GAS6: variants seen among roughly 807,000 people sequenced by gnomAD.
The protein encoded by GAS6 is growth arrest-specific protein 6.
GAS6 carries 41 observed loss-of-function variants against 75.8 expected under a neutral mutation model. The ratio of observed to expected loss-of-function variants is 0.54; its 90% CI spans 0.42 to 0.70. The LOEUF is 0.70. GAS6 is among the 30% of genes least tolerant of loss of function. The pLI, the probability that GAS6 is intolerant of heterozygous loss-of-function variation, is 0.00. For synonymous variants in GAS6, 432 were observed against 412.6 expected (o/e 1.05, Z -0.57); for missense variants, 854 against 940.2 (o/e 0.91, Z 1.20).
Position 113,833,873 on chromosome 13 carries a change from T to C in GAS6, c.834+678A>G, listed in dbSNP as rs939839512. The C allele has an allele frequency of 2.1e-5, 21 of 1,004,586 alleles. No homozygotes were observed. The African/African-American group carries it at 4.0e-4, about 19-fold the overall frequency. The allele number at this position is 1,004,586 out of a possible 1,614,324, so 62.2% of individuals were successfully genotyped here. On this transcript the variant is annotated intron_variant, in intron 8 of 14. Coordinates refer to ENST00000327773, the MANE Select transcript of GAS6 (RefSeq NM_000820.4). Reference sequence around the variant, plus strand: ...GTTGTGACAGGTCGGTGTGAGACACTGGTGTGACAAGTCAGTGTGACAGGC... The same window carrying C: ...GTTGTGACAGGTCGGTGTGAGACACCGGTGTGACAAGTCAGTGTGACAGGC...
At chr13:113,858,801 GTA>G (rs1471262407) in intron 2 of GAS6, among the ~76,000 whole-genome samples, 6 of 151,636 alleles carry the variant, frequency 4.0e-5, no homozygotes, top group Admixed American at 2.6e-4. Context: ...GTGACTGTAT[GTA>G]TGTCTATGTG....
chr13:113,831,105 G>A (rs1025118174), intron 10 of GAS6, among the ~76,000 whole-genome samples: 6 of 152,372 alleles, frequency 3.9e-5, no homozygotes, highest in Middle Eastern at 3.4e-3. Flanking sequence ...CGCTGTGGGC[G>A]GGAGCCTGGT....
At chr13:113,835,914 G>C in intron 6 of GAS6, 6 of 1,291,586 alleles carry the variant, frequency 4.6e-6, no homozygotes, top group Non-Finnish European at 5.9e-6. Flanking sequence ...GGTGGGGGGC[G>C]GCGGTGCACG....
chr13:113,827,198 G>A, intron 11 of GAS6, 34 bp from the exon 12 acceptor site: 1 of 1,603,816 alleles, frequency 6.2e-7, no homozygotes, highest in Non-Finnish European at 8.5e-7. Context: ...TGGCTTCCTG[G>A]GAGCGAGAAG....
intron 12 of GAS6, among the ~76,000 whole-genome samples, chr13:113,825,563 G>A (rs539546026): frequency 2.6e-5 from 4 of 152,270 alleles, no homozygotes; most frequent in African/African-American, 7.2e-5. Flanking sequence ...GCCGGCAGAC[G>A]CGGCCGGCAG....
chr13:113,832,440 G>A lies in GAS6; in HGVS notation c.1002C>T (p.Leu334=), dbSNP rs371080284. 5 of 1,609,070 alleles carry A rather than the reference G, an allele frequency of 3.1e-6. No homozygotes were observed. Among genetic ancestry groups the A allele is most frequent in the African/African-American group, 1.3e-5 (1 of 74,904 alleles). Residue 334 remains leucine, a synonymous_variant, in exon 10 of 15, where the codon CTC becomes CTT. Coordinates refer to ENST00000327773, the MANE Select transcript of GAS6 (RefSeq NM_000820.4). ...DFRTFDPEGI[L]LFAGGHQDST... ...TGTCCTGGTGGCCTCCGGCAAAGAG[G>A]AGGATGCCCTCGGGGTCAAAGGTCC...
At chr13:113,852,074 G>T (rs911106187) in intron 2 of GAS6, among the ~76,000 whole-genome samples, 3 of 152,252 alleles carry the variant, frequency 2.0e-5, no homozygotes, top group Non-Finnish European at 4.4e-5. Flanking sequence ...AAGCAGGGCA[G>T]GTGCTCGGCC....
intron 2 of GAS6, among the ~76,000 whole-genome samples, chr13:113,857,949 G>T (rs143582788): frequency 1.3e-5 from 2 of 152,230 alleles, no homozygotes; most frequent in Non-Finnish European, 2.9e-5. Context: ...GAGCCAGCAC[G>T]GAAGACGGCC....
chr13:113,854,408 C>T (rs74916039), intron 2 of GAS6, among the ~76,000 whole-genome samples: 220 of 152,360 alleles, frequency 1.4e-3, no homozygotes, highest in African/African-American at 5.1e-3. Context: ...AACGCCGAGA[C>T]TCGCCCCGCA....
At chr13:113,834,846 C>A (rs1437787216) in intron 7 of GAS6, 174 bp from the exon 8 acceptor site, 10 of 564,210 alleles carry the variant, frequency 1.8e-5, no homozygotes, top group African/African-American at 3.9e-5. Flanking sequence ...CTAGGTTGCA[C>A]CCTCGGCCTG....
intron 10 of GAS6, among the ~76,000 whole-genome samples, chr13:113,830,216 T>C (rs544616617): frequency 6.6e-6 from 1 of 152,288 alleles, no homozygotes; most frequent in East Asian, 1.9e-4. Context: ...ATGGTACAAA[T>C]TCGGGTCAGC....
rs915320362 is a variant in GAS6 at position 113,842,397 on chromosome 13, G to A, written c.344-2547C>T. 5.6e-5 allele frequency: 22 copies of A among 393,608 alleles called. 1 individual carries two copies. Among genetic ancestry groups the A allele is most frequent in the African/African-American group, 4.7e-4 (22 of 46,870 alleles). The allele number at this position is 393,608 out of a possible 1,614,324, so 24.4% of individuals were successfully genotyped here. A position where few individuals can be genotyped will look rare whatever the true frequency, so the allele number is the denominator to read the frequency against. On this transcript the variant is annotated intron_variant, in intron 4 of 14. Coordinates refer to ENST00000327773, the MANE Select transcript of GAS6 (RefSeq NM_000820.4). ...ACAGGGGCTGGGGCTGGCCTTCGGA[G>A]TTACGAGGAAACGAGGACCAGGACC...
At chr13:113,850,583 G>C (rs141186467) in intron 2 of GAS6, among the ~76,000 whole-genome samples, 1 of 152,326 alleles carries the variant, frequency 6.6e-6, no homozygotes, top group Non-Finnish European at 1.5e-5. Flanking sequence ...CCACTGCACT[G>C]TTAGCTGAAG....
chr13:113,834,769 G>T (rs530484380), intron 7 of GAS6, 97 bp from the exon 8 acceptor site: 33 of 1,266,228 alleles, frequency 2.6e-5, no homozygotes, highest in Non-Finnish European at 3.4e-5. Context: ...CGCAAGGTGC[G>T]CTCAAGGAAT....
In GAS6 at chr13:113,848,856, T is replaced by A. The variant is rs2051852857; in HGVS notation, c.256-806A>T. Among the ~76,000 whole-genome samples, 1 of 152,228 alleles carries A rather than the reference T, an allele frequency of 6.6e-6. No individual in the cohort carries two copies. ...CAGGAAGGTCTTTTTAATCCCATTA[T>A]CAGGAATGAGGAAACCCGGCTTCAG... On this transcript the variant is annotated intron_variant, in intron 2 of 14. Coordinates refer to ENST00000327773, the MANE Select transcript of GAS6 (RefSeq NM_000820.4). The surrounding 1 kb of genome is among the most constrained non-coding windows in gnomAD (Gnocchi z 4.8).
chr13:113,833,737 G>GTGTGACAGGTACTGT (rs2051660181), intron 8 of GAS6: 1 of 889,302 alleles, frequency 1.1e-6, no homozygotes, highest in Admixed American at 6.7e-5. Context: ...TGACAGGTCG[G>GTGTGACAGGTACTGT]TGTGACAGGT....
rs1481681476 is a variant in GAS6, at chr13:113,846,433, CAG to C, written c.343+92_343+93del. The C allele has an allele frequency of 1.4e-5, 15 of 1,035,622 alleles. No homozygotes were observed. The East Asian group carries it at 2.9e-4, about 20-fold the overall frequency. 64.2% of individuals were successfully genotyped at this position (1,035,622 alleles called of 1,614,324 possible). ...CAAGGGACCACAGCTCCTTAAAAAA[CAG>C]AACTATTCAGGGCCCTCCACAAACC... On this transcript the variant is annotated intron_variant, in intron 4 of 14. Transcript: ENST00000327773.
intron 3 of GAS6, chr13:113,847,705 T>G: frequency 2.6e-6 from 1 of 377,396 alleles, no homozygotes; most frequent in Admixed American, 4.6e-5. Flanking sequence ...TCAGAAGTGA[T>G]TAGTGCTGAG....
At position 113,827,030 on chromosome 13, in the gene GAS6, G is replaced by A. The variant is rs111383702; in HGVS notation, c.1443C>T (p.Pro481=). Reference sequence around the variant, plus strand: ...GGCTGTAGAAGGCGAAGCCGCTCCCGGGGTAGAAAGAGCCTCTCTCCGTCA... The same window carrying A: ...GGCTGTAGAAGGCGAAGCCGCTCCCAGGGTAGAAAGAGCCTCTCTCCGTCA... The part of the protein sequence containing the change: ...FSVTERGSFY[P]GSGFAFYSLD... Residue 481 remains proline (P), a synonymous_variant, in exon 12 of 15, where the codon CCC becomes CCT. Transcript: ENST00000327773. The A allele has an allele frequency of 2.2e-4, 351 of 1,613,284 alleles. 2 individuals are homozygous for A. The South Asian group carries it at 2.3e-3, about 11-fold the overall frequency.
Sources: allele counts gnomAD v4.1 joint callset (sites outside exome capture counted in the v4.1 genomes callset), GRCh38; gene constraint gnomAD v4.1.1; non-coding constraint Gnocchi (gnomAD v3.1); transcripts MANE v1.5; gene names NCBI Gene and HGNC (gene_info 2026-07-23, HGNC 2026-07-21).